Variants in SV2B observed in about 807,000 individuals in gnomAD.
The protein encoded by SV2B is solute carrier family 22 member B2.
In SV2B, 41 loss-of-function variants were observed where a neutral mutation model predicts 73.9. That is an observed-to-expected ratio of 0.56 (90% confidence interval 0.43 to 0.72). The LOEUF is 0.72. Among genes scored for constraint, SV2B ranks in the 30% least tolerant of loss-of-function variants. The pLI is 0.00. For synonymous variants in SV2B, 314 were observed against 314.2 expected (o/e 1.00, Z 0.01); for missense variants, 764 against 857.8 (o/e 0.89, Z 1.37).
At chr15:91,260,439 G>C (rs376299994) in intron 6 of SV2B, 30 bp downstream of exon 6, 3 of 1,557,756 alleles carry the variant, frequency 1.9e-6, no homozygotes, top group African/African-American at 1.4e-5. Context: ...CCAATAAGAA[G>C]GGGGTTCTCC....
chr15:91,120,768 C>T (rs1473914806), intron 1 of SV2B, among the ~76,000 whole-genome samples: 4 of 145,208 alleles, frequency 2.8e-5, no homozygotes, highest in Admixed American at 7.0e-5. Flanking sequence ...GAGCTGTGAT[C>T]GTGCCACTGC....
At chr15:91,249,068 T>TCACACACACACACACACA (rs59552488) in intron 2 of SV2B, among the ~76,000 whole-genome samples, 31 of 142,116 alleles carry the variant, frequency 2.2e-4, no homozygotes, top group South Asian at 6.8e-4. Flanking sequence ...ATCTACGTTT[T>TCACACACACACACACACA]CACACACACA....
intron 1 of SV2B, among the ~76,000 whole-genome samples, chr15:91,180,914 A>G (rs1459779227): frequency 6.6e-6 from 1 of 152,198 alleles, no homozygotes; most frequent in African/African-American, 2.4e-5. Context: ...TTCTCTGTCC[A>G]GCTTTGTTCC....
Position 91,248,253 on chromosome 15 carries a change from G to A in SV2B, c.452-3566G>A, listed in dbSNP as rs181002963. On this transcript the variant is annotated intron_variant, in intron 2 of 12. Transcript: ENST00000394232. ...GGAGGATGGCGTGAACCCGGGAGGC[G>A]GAGCTTGCAGTGAGCCGAGATCGTG... 3.3e-3 allele frequency among the ~76,000 whole-genome samples: 495 copies of A among 152,164 alleles called. 1 individual carries two copies. The highest frequency in any genetic ancestry group is 0.017 in the Middle Eastern group (5 of 294).
intron 1 of SV2B, among the ~76,000 whole-genome samples, chr15:91,171,808 A>G (rs72764765): frequency 2.0e-5 from 3 of 152,274 alleles, no homozygotes; most frequent in Non-Finnish European, 2.9e-5. Context: ...TGAATTAACA[A>G]TGTTCCATGG....
At chr15:91,185,168 G>A (rs1332336100) in intron 1 of SV2B, among the ~76,000 whole-genome samples, 1 of 152,140 alleles carries the variant, frequency 6.6e-6, no homozygotes, top group African/African-American at 2.4e-5. Flanking sequence ...ACCTCCCTGG[G>A]CTCAGTGGAG....
At chr15:91,143,602 G>GAA (rs1213690457) in intron 1 of SV2B, among the ~76,000 whole-genome samples, 3 of 151,732 alleles carry the variant, frequency 2.0e-5, no homozygotes, top group Non-Finnish European at 4.4e-5. Context: ...CTCGATCGCC[G>GAA]AAAGTGTCAA....
chr15:91,145,981 G>C (rs1348501254), intron 1 of SV2B, among the ~76,000 whole-genome samples: 2 of 152,126 alleles, frequency 1.3e-5, no homozygotes, highest in Non-Finnish European at 2.9e-5. Context: ...AAGCTCTTTA[G>C]TTTAATAGGT....
In SV2B at chr15:91,240,929, A is replaced by G. The variant is rs1262341307; in HGVS notation, c.452-10890A>G. Among the ~76,000 whole-genome samples the G allele has an allele frequency of 6.6e-6, 1 of 151,982 alleles. No homozygotes were observed. Among genetic ancestry groups the G allele is most frequent in the Non-Finnish European group, 1.5e-5 (1 of 67,984 alleles). On this transcript the variant is annotated intron_variant, in intron 2 of 12. Transcript: ENST00000394232. The surrounding 1 kb of genome is among the most constrained non-coding windows in gnomAD (Gnocchi z 4.6). ...TGCTCCCCCTGGACATTTCCAGGCC[A>G]TTCTCCCTCTCTCCTCACTAAAAGA...
chr15:91,254,644 G>T (rs1198566746), intron 4 of SV2B, among the ~76,000 whole-genome samples: 1 of 152,184 alleles, frequency 6.6e-6, no homozygotes, highest in African/African-American at 2.4e-5. Context: ...TATGGGACAA[G>T]TCAATCCATC....
In SV2B at chr15:91,267,465, T is replaced by G. The variant is rs1239333316; in HGVS notation, c.1120-90T>G. The G allele has an allele frequency of 1.7e-6, 2 of 1,182,908 alleles. No individual in the cohort carries two copies. The highest frequency in any genetic ancestry group is 2.5e-6 in the Non-Finnish European group (2 of 809,676). The allele number at this position is 1,182,908 out of a possible 1,614,324, so 73.3% of individuals were successfully genotyped here. On this transcript the variant is annotated intron_variant, in intron 7 of 12. Coordinates refer to ENST00000394232, the MANE Select transcript of SV2B (RefSeq NM_001323032.3). This position sits in a 1 kb window ranked among gnomAD's most constrained non-coding sequence, Gnocchi z 4.3. ...TCTCTCCATGGGTTCCTAGGCAACT[T>G]ATTAGAATATCTGAGTAATGAGCTC...
chr15:91,237,594 C>T lies in SV2B; in HGVS notation c.451+10880C>T, dbSNP rs141574733. 1.3e-3 allele frequency among the ~76,000 whole-genome samples: 191 copies of T among 152,210 alleles called. 1 individual carries two copies. Among genetic ancestry groups the T allele is most frequent in the African/African-American group, 4.4e-3 (182 of 41,472 alleles). On this transcript the variant is annotated intron_variant, in intron 2 of 12. Coordinates refer to ENST00000394232, the MANE Select transcript of SV2B (RefSeq NM_001323032.3). ...ATTTTTTAATAGCTCCATAGTGACA[C>T]TATTGTACAGCCAGAGTAGAGAACC...
chr15:91,127,462 G>T (rs1007587179), intron 1 of SV2B, among the ~76,000 whole-genome samples: 2 of 151,974 alleles, frequency 1.3e-5, no homozygotes, highest in Non-Finnish European at 2.9e-5. Flanking sequence ...CCAAGCCCCC[G>T]CACTGACGGC....
In SV2B at chr15:91,258,576, AG is replaced by A. The variant is rs776263616; in HGVS notation, c.918+27del. ...AGAGGTGAGTCAGTGCTTTTCCACC[AG>A]GGGGAGAGTGACAAAACAGCCACAG... On this transcript the variant is annotated intron_variant, in intron 5 of 12. Coordinates refer to ENST00000394232, the MANE Select transcript of SV2B (RefSeq NM_001323032.3). This position sits in a 1 kb window ranked among gnomAD's most constrained non-coding sequence, Gnocchi z 4.7. 4 of 1,612,318 alleles carry A rather than the reference AG, an allele frequency of 2.5e-6. No homozygotes were observed. Among genetic ancestry groups the A allele is most frequent in the Non-Finnish European group, 3.4e-6 (4 of 1,179,366 alleles).
rs999410266 is a variant in SV2B at position 91,241,488 on chromosome 15, A to G, written c.452-10331A>G. 1.3e-5 allele frequency among the ~76,000 whole-genome samples: 2 copies of G among 151,844 alleles called. No individual in the cohort carries two copies. Among genetic ancestry groups the G allele is most frequent in the African/African-American group, 4.8e-5 (2 of 41,306 alleles). ...CATCCTTCATTTCCCTCATCCCTTCACACTCTCCTTGATGGTTATTTTGTG... is the reference window on the plus strand; with the variant it reads ...CATCCTTCATTTCCCTCATCCCTTCGCACTCTCCTTGATGGTTATTTTGTG... On this transcript the variant is annotated intron_variant, in intron 2 of 12. Transcript: ENST00000394232. The surrounding 1 kb of genome is among the most constrained non-coding windows in gnomAD (Gnocchi z 4.8).
chr15:91,278,715 T>C (rs1442341684), intron 9 of SV2B, among the ~76,000 whole-genome samples: 1 of 150,490 alleles, frequency 6.6e-6, no homozygotes, highest in African/African-American at 2.5e-5. Flanking sequence ...TACACAGATA[T>C]TCAGGCAAGA....
intron 1 of SV2B, among the ~76,000 whole-genome samples, chr15:91,175,725 A>T (rs946087518): frequency 6.6e-6 from 1 of 151,590 alleles, no homozygotes; most frequent in African/African-American, 2.4e-5. Flanking sequence ...ATATACATAT[A>T]TGTGACTATC....
rs945759758 is a variant in SV2B at position 91,294,626 on chromosome 15, C to G, written c.*2074C>G. On this transcript the variant is annotated 3_prime_UTR_variant, in exon 13 of 13. Coordinates refer to ENST00000394232, the MANE Select transcript of SV2B (RefSeq NM_001323032.3). This position sits in a 1 kb window ranked among gnomAD's most constrained non-coding sequence, Gnocchi z 4.1. ...TTGTGTGAGTCTGGGATTACCACATCTAAAACATTATTCTTTAATGGGATA... is the reference window on the plus strand; with the variant it reads ...TTGTGTGAGTCTGGGATTACCACATGTAAAACATTATTCTTTAATGGGATA... 6.6e-6 allele frequency: 1 copy of G among 152,184 alleles called. No homozygotes were observed. Among genetic ancestry groups the G allele is most frequent in the African/African-American group, 2.4e-5 (1 of 41,430 alleles). 9.4% of individuals were successfully genotyped at this position (152,184 alleles called of 1,614,324 possible).
chr15:91,108,069 T>A (rs528237677), intron 1 of SV2B, among the ~76,000 whole-genome samples: 11 of 152,292 alleles, frequency 7.2e-5, no homozygotes, highest in African/African-American at 2.6e-4. Flanking sequence ...GTCTCCTTCA[T>A]GCTCCTGGAC....
Sources: allele counts gnomAD v4.1 joint callset (sites outside exome capture counted in the v4.1 genomes callset), GRCh38; gene constraint gnomAD v4.1.1; non-coding constraint Gnocchi (gnomAD v3.1); transcripts MANE v1.5; gene names NCBI Gene and HGNC (gene_info 2026-07-23, HGNC 2026-07-21).